Variants in FRMD4B observed in about 807,000 individuals in gnomAD.
FRMD4B encodes the protein FERM domain containing 4B.
In FRMD4B, 74 loss-of-function variants were observed where a neutral mutation model predicts 141.5. That is an observed-to-expected ratio of 0.52 (90% CI 0.43 to 0.63). The LOEUF is 0.63. Ranked by LOEUF, FRMD4B falls within the 30% of genes least tolerant of loss-of-function variation. The pLI is 0.00. For missense variants in FRMD4B, 1,366 were observed against 1,253.4 expected (o/e 1.09, Z -1.36); for synonymous variants, 506 against 467.9 (o/e 1.08, Z -1.05).
intron 1 of FRMD4B, chr3:69,333,841 T>G (rs931958538): frequency 1.8e-4 from 28 of 152,206 alleles, no homozygotes; most frequent in African/African-American, 6.5e-4. Flanking sequence ...TACACATTTT[T>G]GTTGGGGAGA....
chr3:69,392,738 C>A (rs1034037008), intron 2 of FRMD4B, among the ~76,000 whole-genome samples: 2 of 152,086 alleles, frequency 1.3e-5, no homozygotes, highest in African/African-American at 2.4e-5. Flanking sequence ...TCTGGGAGGG[C>A]TCCCCAACTA....
In FRMD4B at chr3:69,472,961, G is replaced by T. The variant is rs111388170; in HGVS notation, c.-128-40200C>A. ...TTCTTTTTTTTTTTTTTTGGCTTAG[G>T]GGGTGGAATCTTATTTTTGACTAAT... is the stretch of plus-strand genomic sequence containing the variant. On this transcript the variant is annotated intron_variant, in intron 1 of 5. Coordinates refer to the FRMD4B transcript ENST00000459638. Among the ~76,000 whole-genome samples, 331 of 121,308 alleles carry T rather than the reference G, an allele frequency of 2.7e-3. 1 individual carries two copies. The highest frequency in any genetic ancestry group is 4.8e-3 in the Non-Finnish European group (269 of 55,844). The allele number at this position is 121,308 out of a possible 152,430, so 79.6% of individuals were successfully genotyped here. A position where few individuals can be genotyped will look rare whatever the true frequency, so the allele number is the denominator to read the frequency against.
At chr3:69,229,579 T>G (rs770288669) in intron 7 of FRMD4B, among the ~76,000 whole-genome samples, 1 of 152,200 alleles carries the variant, frequency 6.6e-6, no homozygotes, top group Admixed American at 6.5e-5. Flanking sequence ...GAAAGACGAC[T>G]GACACAGATA....
chr3:69,284,915 A>G (rs1700618367), intron 5 of FRMD4B, among the ~76,000 whole-genome samples: 2 of 152,232 alleles, frequency 1.3e-5, no homozygotes, highest in Admixed American at 6.5e-5. Flanking sequence ...AAATCCCAGC[A>G]CTTTGGGAGG....
intron 1 of FRMD4B, among the ~76,000 whole-genome samples, chr3:69,500,361 G>C (rs1176577729): frequency 1.3e-5 from 2 of 152,148 alleles, no homozygotes; most frequent in Non-Finnish European, 2.9e-5. Flanking sequence ...AGGATCCCTA[G>C]GATATATATT....
intron 1 of FRMD4B, among the ~76,000 whole-genome samples, chr3:69,525,124 A>T (rs1403733979): frequency 1.3e-5 from 2 of 152,244 alleles, no homozygotes; most frequent in Non-Finnish European, 2.9e-5. Flanking sequence ...AAAAGTGACC[A>T]TGAGAGCTGA....
At chr3:69,499,387 A>G (rs1404989754) in intron 1 of FRMD4B, among the ~76,000 whole-genome samples, 8 of 152,094 alleles carry the variant, frequency 5.3e-5, no homozygotes, top group African/African-American at 1.9e-4. Context: ...AGCTGAGGAG[A>G]AAGGCTGTTG....
chr3:69,300,247 GT>G (rs1283195429), intron 4 of FRMD4B, among the ~76,000 whole-genome samples: 7 of 152,270 alleles, frequency 4.6e-5, no homozygotes, highest in African/African-American at 1.7e-4. Context: ...TTAAATTGGA[GT>G]AAAAACAACT....
At chr3:69,217,458 T>A (rs1386720767) in intron 10 of FRMD4B, among the ~76,000 whole-genome samples, 1 of 151,956 alleles carries the variant, frequency 6.6e-6, no homozygotes, top group East Asian at 1.9e-4. Flanking sequence ...CCATCTCCAC[T>A]AAAAATACAA....
intron 7 of FRMD4B, among the ~76,000 whole-genome samples, chr3:69,236,228 G>C (rs866539658): frequency 4.3e-5 from 6 of 139,714 alleles, no homozygotes; most frequent in African/African-American, 1.6e-4. Context: ...TATTGTTTTG[G>C]TTTTTTTTTT....
chr3:69,486,792 C>T (rs1706223094), intron 1 of FRMD4B, among the ~76,000 whole-genome samples: 1 of 152,274 alleles, frequency 6.6e-6, no homozygotes, highest in South Asian at 2.1e-4. Flanking sequence ...TGATGTGAGG[C>T]AAAGTAGCAA....
intron 7 of FRMD4B, among the ~76,000 whole-genome samples, chr3:69,234,515 ATATCATGTTTCT>A (rs2093331741): frequency 6.6e-6 from 1 of 152,198 alleles, no homozygotes; most frequent in Admixed American, 6.5e-5. Context: ...TTGAAAAAGA[ATATCATGTTTCT>A]TTCAGTTATT....
intron 11 of FRMD4B, among the ~76,000 whole-genome samples, chr3:69,213,520 C>A (rs1408208630): frequency 6.6e-6 from 1 of 152,012 alleles, no homozygotes; most frequent in East Asian, 1.9e-4. Context: ...TACTTATACT[C>A]CTCCTGGAAA....
At chr3:69,312,901 A>ACG (rs1701648951) in intron 2 of FRMD4B, among the ~76,000 whole-genome samples, 2 of 151,710 alleles carry the variant, frequency 1.3e-5, no homozygotes, top group African/African-American at 4.9e-5. Context: ...AAAAAAAAAT[A>ACG]TATCTATCTA....
Position 69,462,350 on chromosome 3 carries a change from T to G in FRMD4B, c.-128-29589A>C, listed in dbSNP as rs150137422. Among the ~76,000 whole-genome samples the G allele has an allele frequency of 5.3e-4, 80 of 152,320 alleles. 1 individual carries two copies. Among genetic ancestry groups the G allele is most frequent in the Middle Eastern group, 6.8e-3 (2 of 294 alleles). ...GGGTCACTCCTGGAAATGTTCCCTCTCTTTCCCTGATGTCTGGCCTGTCCC... is the reference window on the plus strand; with the variant it reads ...GGGTCACTCCTGGAAATGTTCCCTCGCTTTCCCTGATGTCTGGCCTGTCCC... On this transcript the variant is annotated intron_variant, in intron 1 of 5. Transcript: ENST00000459638.
At chr3:69,280,724 G>A (rs1016081570) in intron 5 of FRMD4B, among the ~76,000 whole-genome samples, 3 of 152,016 alleles carry the variant, frequency 2.0e-5, no homozygotes, top group Non-Finnish European at 2.9e-5. Flanking sequence ...GGGCTCAAGC[G>A]ATCCTCCCAC....
chr3:69,350,641 G>A (rs1441680132), intron 1 of FRMD4B, among the ~76,000 whole-genome samples: 1 of 152,140 alleles, frequency 6.6e-6, no homozygotes, highest in Non-Finnish European at 1.5e-5. Flanking sequence ...ATACTGTGCA[G>A]CCATAAAGAA....
intron 1 of FRMD4B, among the ~76,000 whole-genome samples, chr3:69,494,663 G>T (rs936662260): frequency 6.6e-6 from 1 of 152,158 alleles, no homozygotes; most frequent in African/African-American, 2.4e-5. Flanking sequence ...AGGCCAAGGT[G>T]GGTGGATCAC....
chr3:69,233,756 C>T (rs953826928), intron 7 of FRMD4B, among the ~76,000 whole-genome samples: 1 of 152,080 alleles, frequency 6.6e-6, no homozygotes, highest in African/African-American at 2.4e-5. Flanking sequence ...AGTACTGTGT[C>T]CCAGGCAAAC....
Sources: gnomAD v4.1 joint callset for allele counts (sites outside exome capture counted in the v4.1 genomes callset) on GRCh38, gnomAD v4.1.1 for gene constraint, MANE v1.5 for transcripts, NCBI Gene and HGNC (gene_info 2026-07-23, HGNC 2026-07-21) for gene names.